Variants in MTMR7 observed in about 807,000 individuals in gnomAD.
MTMR7 encodes phosphatidylinositol-3-phosphate phosphatase MTMR7.
MTMR7 carries 76 observed loss-of-function variants against 81.2 expected under a neutral mutation model. The observed-to-expected ratio is 0.94, with a 90% CI of 0.78 to 1.13. The LOEUF (loss-of-function observed/expected upper bound fraction) is 1.13, where lower values mean the gene tolerates loss of function less well. Ranked by LOEUF, MTMR7 falls within the 50% of genes most tolerant of loss-of-function variation. The pLI is 0.00. For synonymous variants in MTMR7, 372 were observed against 289.8 expected (o/e 1.28, Z -2.88); for missense variants, 1,044 against 820.0 (o/e 1.27, Z -3.34).
At chr8:17,375,793 T>A (rs1422134429) in intron 1 of MTMR7, among the ~76,000 whole-genome samples, 4 of 152,236 alleles carry the variant, frequency 2.6e-5, no homozygotes, top group Non-Finnish European at 5.9e-5. Context: ...CCAATATTTA[T>A]CTTTTTTCCT....
At chr8:17,382,003 C>T (rs1820776150) in intron 1 of MTMR7, among the ~76,000 whole-genome samples, 1 of 152,182 alleles carries the variant, frequency 6.6e-6, no homozygotes, top group South Asian at 2.1e-4. Flanking sequence ...TAGCAGACTG[C>T]AGCTGTGACC....
intron 1 of MTMR7, among the ~76,000 whole-genome samples, chr8:17,386,334 T>C (rs912774375): frequency 2.6e-5 from 4 of 152,204 alleles, no homozygotes; most frequent in Admixed American, 6.5e-5. Context: ...GCCGTGATCA[T>C]GCCACTGCAT....
At chr8:17,369,512 G>A (rs1314819670) in intron 3 of MTMR7, among the ~76,000 whole-genome samples, 1 of 151,992 alleles carries the variant, frequency 6.6e-6, no homozygotes, top group Non-Finnish European at 1.5e-5. Context: ...ATTTGGCAAA[G>A]TAATTATCAG....
At position 17,341,500 on chromosome 8, in the gene MTMR7, A is replaced by G; in HGVS notation, c.598-3T>C. ...TGGCTGCTCCGGCAGATGGAGGCCT[A>G]GGGGGAGAGGTCACAGCAACACAGC... On this transcript the variant is annotated splice_polypyrimidine_tract_variant and splice_region_variant and intron_variant, in intron 5 of 13. Coordinates refer to ENST00000180173, the MANE Select transcript of MTMR7 (RefSeq NM_004686.5). 2 of 1,613,260 alleles carry G rather than the reference A, an allele frequency of 1.2e-6. No individual in the cohort carries two copies. Among genetic ancestry groups the G allele is most frequent in the Non-Finnish European group, 1.7e-6 (2 of 1,179,938 alleles).
intron 13 of MTMR7, 163 bp from the exon 14 acceptor site, chr8:17,300,387 A>ACCTGG: frequency 2.9e-6 from 2 of 689,004 alleles, no homozygotes; most frequent in Middle Eastern, 8.2e-4. Context: ...CCTTGGACAA[A>ACCTGG]ATCTGTGAGG....
chr8:17,313,396 C>G lies in MTMR7; in HGVS notation c.871G>C (p.Glu291Gln), dbSNP rs376637112. Residue 291 changes from glutamate to glutamine, a missense_variant, in exon 8 of 14, where the codon GAA becomes CAA. Glu to Gln is a conservative substitution (Grantham distance 29). Coordinates refer to ENST00000180173, the MANE Select transcript of MTMR7 (RefSeq NM_004686.5). ...TCACTCATGGAGGGAGATTTAAGTT[C>G]ACACACTGCAAGATAAATCATGTTA... ...NSLQKMLEVC[E>Q]LKSPSMSDFL... 13 of 1,605,932 alleles carry G rather than the reference C, an allele frequency of 8.1e-6. No homozygotes were observed. The African/African-American group carries it at 1.6e-4, about 20-fold the overall frequency.
At chr8:17,390,147 G>T (rs1821063327) in intron 1 of MTMR7, among the ~76,000 whole-genome samples, 1 of 152,086 alleles carries the variant, frequency 6.6e-6, no homozygotes, top group Non-Finnish European at 1.5e-5. Flanking sequence ...CTGACACTGG[G>T]TAATTTATAA....
intron 1 of MTMR7, 96 bp from the exon 2 acceptor site, chr8:17,373,336 TAC>T: frequency 7.1e-7 from 1 of 1,406,348 alleles, no homozygotes; most frequent in Non-Finnish European, 9.4e-7. Flanking sequence ...TACTCCAAAA[TAC>T]AATTTTTTGA....
At chr8:17,321,053 TA>T (rs1818366280) in intron 7 of MTMR7, among the ~76,000 whole-genome samples, 1 of 152,188 alleles carries the variant, frequency 6.6e-6, no homozygotes, top group Non-Finnish European at 1.5e-5. Context: ...GGCTTAGGGC[TA>T]GTTAGCATTC....
intron 9 of MTMR7, among the ~76,000 whole-genome samples, 162 bp from the exon 10 acceptor site, chr8:17,309,488 CAT>C (rs1341029372): frequency 6.6e-6 from 1 of 152,156 alleles, no homozygotes; most frequent in Non-Finnish European, 1.5e-5. Context: ...TAGAGATGCA[CAT>C]GGCAAAGGCA....
chr8:17,344,111 T>C (rs969218215), intron 5 of MTMR7, among the ~76,000 whole-genome samples: 7 of 152,216 alleles, frequency 4.6e-5, no homozygotes, highest in African/African-American at 1.2e-4. Context: ...AATTATCATA[T>C]ACAATAAGAC....
rs771746332 is a variant in MTMR7, at chr8:17,305,778, T to C, written c.1331A>G (p.Gln444Arg). ...CQFGNFLCNS[Q>R]KERRELKIQE... ...TTACTTGAGTTCTCGTCTCTCCTTT[T>C]GGCTGTTACATAGGAAGTTTCCAAA... The change falls in exon 11 of 14, where the codon CAA becomes CGA. Residue 444 changes from glutamine (Q) to arginine (R), a missense_variant. Physicochemically the swap from Gln to Arg is conservative, Grantham distance 43. Transcript: ENST00000180173. 1.2e-5 allele frequency: 20 copies of C among 1,612,530 alleles called. No individual in the cohort carries two copies. In the Admixed American group the frequency reaches 3.2e-4, roughly 26 times the overall value.
intron 3 of MTMR7, among the ~76,000 whole-genome samples, chr8:17,366,191 A>T (rs186661581): frequency 6.6e-6 from 1 of 152,292 alleles, no homozygotes; most frequent in East Asian, 1.9e-4. Context: ...CTTCTCTCCC[A>T]TATAAAGGAA....
chr8:17,324,616 T>C (rs151152815), intron 7 of MTMR7, among the ~76,000 whole-genome samples: 27 of 152,244 alleles, frequency 1.8e-4, no homozygotes, highest in Admixed American at 3.3e-4. Context: ...ACTTGATCCA[T>C]TTCCTTCTTC....
At chr8:17,311,885 C>A in intron 8 of MTMR7, 1 of 486,062 alleles carries the variant, frequency 2.1e-6, no homozygotes, top group Non-Finnish European at 3.7e-6. Context: ...AGCGCATGTA[C>A]TTACTAAACA....
intron 1 of MTMR7, among the ~76,000 whole-genome samples, chr8:17,403,271 G>A (rs895985132): frequency 1.3e-5 from 2 of 152,060 alleles, no homozygotes; most frequent in African/African-American, 4.8e-5. Flanking sequence ...AGATATATGG[G>A]TCTAGTTTCA....
intron 3 of MTMR7, among the ~76,000 whole-genome samples, chr8:17,363,905 TAA>T (rs759525869): frequency 7.3e-6 from 1 of 136,934 alleles, no homozygotes; most frequent in Non-Finnish European, 1.6e-5. Context: ...GAGGCAAGCT[TAA>T]AAAAAAAAAA....
rs73666122 is a variant in MTMR7, at chr8:17,350,712, C to A, written c.469-1631G>T. ...TGAAAACCCACAACTGAAATCCAAG[C>A]CTCTTATAAAGTCTTCTGTGATGAT... On this transcript the variant is annotated intron_variant, in intron 4 of 13. Transcript: ENST00000180173. Among the ~76,000 whole-genome samples, 1,317 of 152,264 alleles carry A rather than the reference C, an allele frequency of 8.6e-3. 20 individuals carry two copies. The highest frequency in any genetic ancestry group is 0.03 in the African/African-American group (1,248 of 41,542).
intron 6 of MTMR7, among the ~76,000 whole-genome samples, chr8:17,335,315 G>A (rs957758107): frequency 8.5e-5 from 13 of 152,146 alleles, no homozygotes; most frequent in East Asian, 3.9e-4. Flanking sequence ...CTGACCGGCT[G>A]AGCAACTGCA....
Sources: gnomAD v4.1 joint callset for allele counts (sites outside exome capture counted in the v4.1 genomes callset) on GRCh38, gnomAD v4.1.1 for gene constraint, MANE v1.5 for transcripts, NCBI Gene and HGNC (gene_info 2026-07-23, HGNC 2026-07-21) for gene names.